The following ADD3 variants were observed in gnomAD, a reference collection of about 807,000 sequenced individuals.
ADD3 encodes adducin 3, also known as gamma-adducin.
ADD3 carries 25 observed loss-of-function variants against 80.2 expected under a neutral mutation model. The observed-to-expected ratio is 0.31, with a 90% CI of 0.23 to 0.44. ADD3 has a LOEUF of 0.44. ADD3 is among the 20% of genes least tolerant of loss of function. The pLI is 1.00. For missense variants in ADD3, 829 were observed against 847.5 expected, an observed-to-expected ratio of 0.98 and a Z score of 0.27; for synonymous variants, 284 against 289.6, an observed-to-expected ratio of 0.98 and a Z score of 0.20.
At chr10:110,095,905 C>G (rs1395899252) in intron 1 of ADD3, among the ~76,000 whole-genome samples, 1 of 152,056 alleles carries the variant, frequency 6.6e-6, no homozygotes, top group Non-Finnish European at 1.5e-5. Context: ...CTTTAAATGA[C>G]AATTATAGCA....
intron 1 of ADD3, among the ~76,000 whole-genome samples, chr10:110,089,103 A>G (rs1385236824): frequency 6.6e-6 from 1 of 152,178 alleles, no homozygotes; most frequent in African/African-American, 2.4e-5. Context: ...GAAAAGGTCC[A>G]CTGAGATTTG....
chr10:110,114,880 C>A (rs1006629036), intron 3 of ADD3, among the ~76,000 whole-genome samples: 27 of 151,804 alleles, frequency 1.8e-4, no homozygotes, highest in African/African-American at 6.5e-4. Flanking sequence ...GAGTTCAAGA[C>A]CAGCCTGGGC....
intron 1 of ADD3, among the ~76,000 whole-genome samples, chr10:110,042,364 A>C (rs553103913): frequency 1.3e-5 from 2 of 152,148 alleles, no homozygotes; most frequent in Admixed American, 1.3e-4. Context: ...GGAGGTGACA[A>C]AGAGTCCAGG....
intron 2 of ADD3, among the ~76,000 whole-genome samples, chr10:110,102,856 G>A (rs1312284225): frequency 6.6e-6 from 1 of 152,144 alleles, no homozygotes; most frequent in Non-Finnish European, 1.5e-5. Flanking sequence ...ATAATGTTAA[G>A]TAGATTAATT....
chr10:110,128,527 TGCCTCA>T (rs1189829971), intron 12 of ADD3, among the ~76,000 whole-genome samples: 1 of 152,144 alleles, frequency 6.6e-6, no homozygotes, highest in Non-Finnish European at 1.5e-5. Flanking sequence ...CGCCATTCTC[TGCCTCA>T]GCCTCCCAAG....
rs1423998684 is a variant in ADD3, at chr10:110,112,871, A to G, written c.290A>G (p.Tyr97Cys). 1 of 1,614,106 alleles carries G rather than the reference A, an allele frequency of 6.2e-7. No individual in the cohort carries two copies. Among genetic ancestry groups the G allele is most frequent in the African/African-American group, 1.3e-5 (1 of 75,040 alleles). The change falls in exon 3 of 15, where the codon TAC becomes TGC. Residue 97 changes from tyrosine to cysteine, a missense_variant. Transcript: ENST00000356080. ...CTAGCATTACAGCAGATTGCAGATTACATCATGGCCAATTCTTTCTCGGGT... is the reference window on the plus strand; with the variant it reads ...CTAGCATTACAGCAGATTGCAGATTGCATCATGGCCAATTCTTTCTCGGGT... ...GLLALQQIAD[Y>C]IMANSFSGFS... is the part of the protein sequence containing the mutation.
intron 5 of ADD3, among the ~76,000 whole-genome samples, chr10:110,117,880 G>A (rs1850955532): frequency 6.6e-6 from 1 of 152,100 alleles, no homozygotes; most frequent in Non-Finnish European, 1.5e-5. Context: ...GCTGGGCGTG[G>A]TGGCACACAC....
intron 9 of ADD3, 40 bp downstream of exon 9, chr10:110,122,332 T>G: frequency 6.3e-7 from 1 of 1,577,276 alleles, no homozygotes; most frequent in Non-Finnish European, 8.7e-7. Flanking sequence ...ATTTAATGTC[T>G]TCAGATTCAA....
At chr10:110,016,826 A>G (rs958816815) in intron 1 of ADD3, among the ~76,000 whole-genome samples, 6 of 152,082 alleles carry the variant, frequency 3.9e-5, no homozygotes, top group Non-Finnish European at 5.9e-5. Flanking sequence ...GGTAGCAGCC[A>G]TGGGTAGAAC....
chr10:110,097,076 T>C (rs956562941), intron 1 of ADD3, among the ~76,000 whole-genome samples: 3 of 152,208 alleles, frequency 2.0e-5, no homozygotes, highest in African/African-American at 7.2e-5. Flanking sequence ...CTTTACAAAA[T>C]ACATGGTATG....
chr10:110,028,359 A>C (rs1185293071), intron 1 of ADD3, among the ~76,000 whole-genome samples: 16 of 152,032 alleles, frequency 1.1e-4, no homozygotes, highest in Non-Finnish European at 2.2e-4. Context: ...GGATCACCTG[A>C]AGTCAGGAGT....
At chr10:110,107,108 G>T (rs914521023) in intron 2 of ADD3, among the ~76,000 whole-genome samples, 6 of 152,010 alleles carry the variant, frequency 3.9e-5, no homozygotes, top group African/African-American at 1.4e-4. Context: ...TACACACTCA[G>T]GGAGAATCTA....
At chr10:110,000,671 T>C (rs971605864) in intron 1 of ADD3, among the ~76,000 whole-genome samples, 8 of 152,216 alleles carry the variant, frequency 5.3e-5, no homozygotes, top group Non-Finnish European at 1.0e-4. Context: ...GTACAGAACA[T>C]ACAGCATGAT....
At chr10:110,053,555 T>C (rs1174992952) in intron 1 of ADD3, among the ~76,000 whole-genome samples, 1 of 152,118 alleles carries the variant, frequency 6.6e-6, no homozygotes, top group Non-Finnish European at 1.5e-5. Flanking sequence ...TCTCACAGGG[T>C]GTACTTGTGT....
intron 1 of ADD3, among the ~76,000 whole-genome samples, chr10:110,042,519 A>T (rs887770617): frequency 4.6e-5 from 7 of 152,050 alleles, no homozygotes; most frequent in African/African-American, 1.7e-4. Context: ...AAAAAACAAC[A>T]CTCATGATTT....
intron 1 of ADD3, among the ~76,000 whole-genome samples, chr10:110,070,830 C>T (rs980432068): frequency 2.0e-5 from 3 of 152,002 alleles, no homozygotes; most frequent in Non-Finnish European, 2.9e-5. Flanking sequence ...ACTCTTAAAG[C>T]ATTAATTTTA....
In ADD3 at chr10:110,134,149, C is replaced by G. The variant is rs1189886398; in HGVS notation, c.*531C>G. ...TTTTAAAAAGTTTTAAGAAAAGATT[C>G]ATTTGGAATTTTATTCACAGTATAA... On this transcript the variant is annotated 3_prime_UTR_variant, in exon 15 of 15. Transcript: ENST00000356080. The G allele has an allele frequency of 1.3e-5, 2 of 152,442 alleles. No individual in the cohort carries two copies. Among genetic ancestry groups the G allele is most frequent in the Non-Finnish European group, 1.5e-5 (1 of 67,980 alleles). 9.4% of individuals were successfully genotyped at this position (152,442 alleles called of 1,614,324 possible). A position where few individuals can be genotyped will look rare whatever the true frequency, so the allele number is the denominator to read the frequency against.
intron 1 of ADD3, among the ~76,000 whole-genome samples, chr10:110,081,046 G>A (rs745340017): frequency 1.8e-4 from 27 of 152,184 alleles, no homozygotes; most frequent in Non-Finnish European, 3.2e-4. Flanking sequence ...GACTTCAATT[G>A]ATTTGTGTAA....
intron 1 of ADD3, among the ~76,000 whole-genome samples, chr10:110,087,854 A>G (rs535687466): frequency 8.6e-4 from 131 of 152,318 alleles, no homozygotes; most frequent in African/African-American, 3.0e-3. Flanking sequence ...TAAAAACAAC[A>G]GATCTATTCT....
Sources: allele counts gnomAD v4.1 joint callset (sites outside exome capture counted in the v4.1 genomes callset), GRCh38; gene constraint gnomAD v4.1.1; transcripts MANE v1.5; gene names NCBI Gene and HGNC (gene_info 2026-07-23, HGNC 2026-07-21).